The following SP140L variants were observed in gnomAD, a reference collection of about 807,000 sequenced individuals.
The protein encoded by SP140L is nuclear body protein SP140-like protein.
SP140L carries 64 observed loss-of-function variants against 84.3 expected under a neutral mutation model. The ratio of observed to expected loss-of-function variants is 0.76; its 90% CI spans 0.62 to 0.94. SP140L has a LOEUF of 0.94. SP140L is among the 40% of genes least tolerant of loss of function. The pLI, the probability that SP140L is intolerant of heterozygous loss-of-function variation, is 0.00. For missense variants in SP140L, 628 were observed against 692.5 expected, an observed-to-expected ratio of 0.91 and a Z score of 1.05; for synonymous variants, 242 against 236.9, an observed-to-expected ratio of 1.02 and a Z score of -0.20.
At chr2:230,354,848 G>GTAAA (rs1456031529) in intron 2 of SP140L, among the ~76,000 whole-genome samples, 2 of 108,886 alleles carry the variant, frequency 1.8e-5, no homozygotes, top group African/African-American at 7.1e-5. Context: ...AAGAAAGAAA[G>GTAAA]GAAAGAAAGA....
At chr2:230,359,579 C>T (rs745807050) in intron 4 of SP140L, among the ~76,000 whole-genome samples, 2 of 152,142 alleles carry the variant, frequency 1.3e-5, no homozygotes, top group Non-Finnish European at 2.9e-5. Context: ...CTTGTAACAA[C>T]CCCATAGTCA....
At chr2:230,359,972 T>TATACCAAACTAAAGTTTGGTATTGGTGCC (rs2060664146) in intron 4 of SP140L, among the ~76,000 whole-genome samples, 1 of 152,176 alleles carries the variant, frequency 6.6e-6, no homozygotes, top group African/African-American at 2.4e-5. Flanking sequence ...GTATTGGTGC[T>TATACCAAACTAAAGTTTGGTATTGGTGCC]ATACCAAACT....
chr2:230,392,035 C>G (rs1415154297), intron 11 of SP140L, 52 bp from the exon 12 acceptor site: 7 of 1,608,566 alleles, frequency 4.4e-6, no homozygotes, highest in African/African-American at 2.7e-5. Context: ...TGGCCACAGT[C>G]TGAGCGCTGG....
chr2:230,372,936 T>C (rs1265447339), intron 7 of SP140L, among the ~76,000 whole-genome samples: 1 of 152,188 alleles, frequency 6.6e-6, no homozygotes, highest in Admixed American at 6.5e-5. Flanking sequence ...ACTTTAATGA[T>C]AAAGCAGAAC....
intron 2 of SP140L, among the ~76,000 whole-genome samples, chr2:230,336,044 G>T (rs769398124): frequency 6.6e-6 from 1 of 152,196 alleles, no homozygotes; most frequent in African/African-American, 2.4e-5. Flanking sequence ...TGAAGGTGTG[G>T]AATATTCCAT....
Position 230,392,151 on chromosome 2 carries a change from C to T in SP140L, c.1029C>T (p.Ile343=), listed in dbSNP as rs764397217. The change falls in exon 12 of 19, where the codon ATC becomes ATT. Residue 343 remains isoleucine, a synonymous_variant. Transcript: ENST00000415673. The stretch of plus-strand genomic sequence containing the variant: ...GGTTCACCCCCATGGAATTTGAAAT[C>T]AAAGGAGGCTACGCAAGATCAAAGA... ...GKWFTPMEFE[I]KGGYARSKNW... is the part of the protein sequence containing the mutation. 61 of 1,613,948 alleles carry T rather than the reference C, an allele frequency of 3.8e-5. No homozygotes were observed. Among genetic ancestry groups the T allele is most frequent in the Middle Eastern group, 3.3e-4 (2 of 6,082 alleles).
chr2:230,343,977 A>T (rs1296837980), intron 2 of SP140L, among the ~76,000 whole-genome samples: 2 of 152,070 alleles, frequency 1.3e-5, no homozygotes, highest in Non-Finnish European at 2.9e-5. Context: ...CTGTGTGGTG[A>T]TGGGAAGAAT....
At chr2:230,354,894 A>AAAGAAAGAAAGAAAGAAAGG (rs1221299840) in intron 2 of SP140L, among the ~76,000 whole-genome samples, 2 of 148,686 alleles carry the variant, frequency 1.3e-5, no homozygotes, top group East Asian at 2.0e-4. Flanking sequence ...AGAAAGAAAG[A>AAAGAAAGAAAGAAAGAAAGG]AAGGAAAGAG....
chr2:230,384,233 A>T (rs905413592), intron 8 of SP140L, among the ~76,000 whole-genome samples: 2 of 152,214 alleles, frequency 1.3e-5, no homozygotes, highest in African/African-American at 2.4e-5. Flanking sequence ...AAGGCAACAT[A>T]TGCAAAAAGA....
intron 5 of SP140L, among the ~76,000 whole-genome samples, 156 bp downstream of exon 5, chr2:230,361,853 T>C (rs909188505): frequency 2.6e-5 from 4 of 152,098 alleles, no homozygotes; most frequent in Non-Finnish European, 4.4e-5. Flanking sequence ...GAGCTCCTAA[T>C]CAGATGCAGG....
chr2:230,333,517 C>G (rs1194930666), intron 2 of SP140L, among the ~76,000 whole-genome samples: 2 of 152,164 alleles, frequency 1.3e-5, no homozygotes, highest in Non-Finnish European at 2.9e-5. Context: ...CTGAAACTTT[C>G]TGGCTCATCT....
At chr2:230,399,861 C>T in intron 14 of SP140L, 1 of 324,202 alleles carries the variant, frequency 3.1e-6, no homozygotes, top group East Asian at 5.2e-5. Context: ...CATCCTCTTG[C>T]TTTGTTGCTA....
In SP140L at chr2:230,388,473, C is replaced by A. The variant is rs557728795; in HGVS notation, c.785-86C>A. 3.8e-5 allele frequency: 43 copies of A among 1,123,898 alleles called. No homozygotes were observed. The African/African-American group carries it at 6.4e-4, about 17-fold the overall frequency. The allele number at this position is 1,123,898 out of a possible 1,614,324, so 69.6% of individuals were successfully genotyped here. On this transcript the variant is annotated intron_variant, in intron 9 of 18. Transcript: ENST00000415673. ...TATTAAACAGGCTTTTGGAAAGTTA[C>A]ATTTAAATGGAATTTTTGAAAAGCA...
intron 2 of SP140L, among the ~76,000 whole-genome samples, chr2:230,346,317 C>A (rs1194264929): frequency 6.6e-6 from 1 of 152,028 alleles, no homozygotes; most frequent in Non-Finnish European, 1.5e-5. Flanking sequence ...TCAAAATTAT[C>A]TTTTTGTCTT....
chr2:230,368,288 T>G (rs1204192638), intron 5 of SP140L, among the ~76,000 whole-genome samples: 1 of 152,204 alleles, frequency 6.6e-6, no homozygotes, highest in Non-Finnish European at 1.5e-5. Flanking sequence ...ACCTTTAATA[T>G]GTCATTTCAC....
Position 230,388,636 on chromosome 2 carries a change from A to G in SP140L, c.859+3A>G, listed in dbSNP as rs574122482. On this transcript the variant is annotated splice_donor_region_variant and intron_variant, in intron 10 of 18. Coordinates refer to ENST00000415673, the MANE Select transcript of SP140L (RefSeq NM_138402.6). ...ACAGAAAAGAGTCCGATCAAGAGGT[A>G]AAAAAGAAAAGAGGAATGCACTTTC... 19 of 1,602,682 alleles carry G rather than the reference A, an allele frequency of 1.2e-5. No homozygotes were observed. The highest frequency in any genetic ancestry group is 1.0e-4 in the Admixed American group (6 of 58,158).
At chr2:230,369,006 T>C (rs1016712906) in intron 5 of SP140L, among the ~76,000 whole-genome samples, 7 of 152,222 alleles carry the variant, frequency 4.6e-5, no homozygotes, top group African/African-American at 1.7e-4. Flanking sequence ...GATGGTGTTA[T>C]GTCTCTTTGG....
intron 5 of SP140L, among the ~76,000 whole-genome samples, chr2:230,367,321 C>G (rs1428462921): frequency 8.9e-6 from 1 of 112,082 alleles, no homozygotes; most frequent in Non-Finnish European, 1.7e-5. Context: ...GAGACAGAGT[C>G]TCACTCTGTC....
intron 2 of SP140L, among the ~76,000 whole-genome samples, chr2:230,354,948 GAA>G (rs1048544973): frequency 5.9e-5 from 9 of 151,750 alleles, no homozygotes; most frequent in African/African-American, 1.2e-4. Flanking sequence ...GAAAAAGAAA[GAA>G]AGAGAAAGAA....
Sources: gnomAD v4.1 joint callset for allele counts (sites outside exome capture counted in the v4.1 genomes callset) on GRCh38, gnomAD v4.1.1 for gene constraint, MANE v1.5 for transcripts, NCBI Gene and HGNC (gene_info 2026-07-23, HGNC 2026-07-21) for gene names.